The following ST3GAL2 variants were observed in gnomAD, a reference collection of about 807,000 sequenced individuals.
ST3GAL2 encodes CMP-N-acetylneuraminate-beta-galactosamide-alpha-2,3-sialyltransferase 2.
A neutral mutation model predicts 37.5 loss-of-function variants in ST3GAL2; 16 were observed. That is an observed-to-expected ratio of 0.43 (90% CI 0.29 to 0.65). The LOEUF is 0.65. ST3GAL2 is among the 30% of genes least tolerant of loss of function. ST3GAL2 has a pLI of 0.17. For missense variants in ST3GAL2, 383 were observed against 487.8 expected (o/e 0.79, Z 2.02); for synonymous variants, 238 against 202.9 (o/e 1.17, Z -1.47).
chr16:70,438,899 G>A (rs2047847114), intron 1 of ST3GAL2, 50 bp downstream of exon 1: 1 of 151,746 alleles, frequency 6.6e-6, no homozygotes, highest in Non-Finnish European at 1.5e-5. Flanking sequence ...CTGGGCAGCC[G>A]GGGGCCCGGG....
chr16:70,438,794 G>A (rs982992229), intron 1 of ST3GAL2, among the ~76,000 whole-genome samples, 155 bp downstream of exon 1: 5 of 151,928 alleles, frequency 3.3e-5, no homozygotes, highest in African/African-American at 7.2e-5. Context: ...CCGCCCACAC[G>A]AGGGAGCCCG....
At chr16:70,382,591 T>G (rs1386231698) in intron 6 of ST3GAL2, among the ~76,000 whole-genome samples, 1 of 152,198 alleles carries the variant, frequency 6.6e-6, no homozygotes, top group Non-Finnish European at 1.5e-5. Flanking sequence ...GCCAATAACT[T>G]TTTAATGAAG....
chr16:70,408,831 G>A (rs1256119218), intron 1 of ST3GAL2, among the ~76,000 whole-genome samples: 1 of 130,476 alleles, frequency 7.7e-6, no homozygotes, highest in East Asian at 2.4e-4. Context: ...AGTCTTCTCT[G>A]GACAAAGATC....
chr16:70,398,578 C>A lies in ST3GAL2; in HGVS notation c.-48G>T. The A allele has an allele frequency of 6.6e-7, 1 of 1,515,870 alleles. No individual in the cohort carries two copies. The allele number at this position is 1,515,870 out of a possible 1,614,324, so 93.9% of individuals were successfully genotyped here. ...TCACCGTGGCCACTCTTTTCCCAGC[C>A]CGCTGAGGGGCCAGCCACGGCGTAG... On this transcript the variant is annotated 5_prime_UTR_variant, in exon 2 of 7. Transcript: ENST00000342907.
At chr16:70,417,832 T>C (rs2047686378) in intron 1 of ST3GAL2, among the ~76,000 whole-genome samples, 1 of 151,892 alleles carries the variant, frequency 6.6e-6, no homozygotes, top group African/African-American at 2.4e-5. Context: ...GGGGGGAATG[T>C]TAGAAGTTCA....
chr16:70,415,003 A>G (rs1359243261), intron 1 of ST3GAL2, among the ~76,000 whole-genome samples: 1 of 152,104 alleles, frequency 6.6e-6, no homozygotes, highest in Non-Finnish European at 1.5e-5. Flanking sequence ...CCTCCCGAGT[A>G]TCTGGGACTA....
Position 70,379,967 on chromosome 16 carries a change from AAAG to A in ST3GAL2, c.*1719_*1721del, listed in dbSNP as rs1159090960. ...TTCATGATTTAAAGCAAAAGAAAAAAAAGAAATAAATTATTCTGCTCAATACTG... is the reference window on the plus strand; with the variant it reads ...TTCATGATTTAAAGCAAAAGAAAAAAAAATAAATTATTCTGCTCAATACTG... On this transcript the variant is annotated 3_prime_UTR_variant, in exon 7 of 7. Coordinates refer to ENST00000342907, the MANE Select transcript of ST3GAL2 (RefSeq NM_006927.4). 4.6e-5 allele frequency: 7 copies of A among 152,112 alleles called. No homozygotes were observed. The highest frequency in any genetic ancestry group is 5.9e-5 in the Non-Finnish European group (4 of 68,032). 9.4% of individuals were successfully genotyped at this position (152,112 alleles called of 1,614,324 possible).
chr16:70,438,259 T>C (rs904275594), intron 1 of ST3GAL2, among the ~76,000 whole-genome samples: 2 of 151,840 alleles, frequency 1.3e-5, no homozygotes, highest in Non-Finnish European at 2.9e-5. Flanking sequence ...GGTGGGAAGT[T>C]TGGTCCAGTC....
At chr16:70,405,179 T>C (rs1336898597) in intron 1 of ST3GAL2, among the ~76,000 whole-genome samples, 1 of 151,988 alleles carries the variant, frequency 6.6e-6, no homozygotes, top group Non-Finnish European at 1.5e-5. Flanking sequence ...ATTATTCAGA[T>C]ATAAAAAGGA....
In ST3GAL2 at chr16:70,429,783, A is replaced by T. The variant is rs528950541; in HGVS notation, c.-1004+9166T>A. On this transcript the variant is annotated intron_variant, in intron 1 of 6. Coordinates refer to ENST00000342907, the MANE Select transcript of ST3GAL2 (RefSeq NM_006927.4). Reference sequence around the variant, plus strand: ...CAGCCTCCCCAGTAGCTGGGATTACAGGCGCCCTCCACCACACCCGGCTAA... The same window carrying T: ...CAGCCTCCCCAGTAGCTGGGATTACTGGCGCCCTCCACCACACCCGGCTAA... Among the ~76,000 whole-genome samples, 521 of 151,378 alleles carry T rather than the reference A, an allele frequency of 3.4e-3. 6 individuals carry two copies. Among genetic ancestry groups the T allele is most frequent in the African/African-American group, 0.012 (487 of 41,308 alleles).
chr16:70,391,313 C>T (rs141117982), intron 3 of ST3GAL2, among the ~76,000 whole-genome samples: 5 of 152,198 alleles, frequency 3.3e-5, no homozygotes, highest in African/African-American at 9.6e-5. Context: ...TGGCTTCAAG[C>T]AGATGCCCAG....
In ST3GAL2 at chr16:70,404,865, C is replaced by G. The variant is rs550433343; in HGVS notation, c.-1003-5332G>C. Among the ~76,000 whole-genome samples the G allele has an allele frequency of 7.2e-5, 11 of 152,144 alleles. No individual in the cohort carries two copies. The South Asian group carries it at 2.3e-3, about 32-fold the overall frequency. On this transcript the variant is annotated intron_variant, in intron 1 of 6. Transcript: ENST00000342907. ...TGGCCAACTTGGTGAAACCCCATCT[C>G]TGTTAAAAATACAAAAATTAGCTGG...
intron 4 of ST3GAL2, among the ~76,000 whole-genome samples, chr16:70,384,434 C>T (rs575119052): frequency 6.6e-5 from 10 of 152,156 alleles, no homozygotes; most frequent in African/African-American, 2.2e-4. Flanking sequence ...GGGCCGGGTG[C>T]GGTGGCTCAC....
At chr16:70,422,981 A>C (rs1159999746) in intron 1 of ST3GAL2, 1 of 152,258 alleles carries the variant, frequency 6.6e-6, no homozygotes, top group East Asian at 1.9e-4. Context: ...TTCTCTTCCA[A>C]AGGAGGAGAC....
At chr16:70,416,229 G>C (rs994928553) in intron 1 of ST3GAL2, among the ~76,000 whole-genome samples, 7 of 152,148 alleles carry the variant, frequency 4.6e-5, no homozygotes, top group Admixed American at 3.9e-4. Flanking sequence ...ATGAGATGGG[G>C]TGCCCTTATT....
intron 1 of ST3GAL2, chr16:70,422,911 G>A (rs1265879315): frequency 1.3e-5 from 2 of 152,242 alleles, no homozygotes; most frequent in African/African-American, 2.4e-5. Flanking sequence ...AGAGAACTGA[G>A]TCCAAAAGAG....
In ST3GAL2 at chr16:70,380,378, G is replaced by C. The variant is rs984312221; in HGVS notation, c.*1311C>G. 1 of 152,278 alleles carries C rather than the reference G, an allele frequency of 6.6e-6. No individual in the cohort carries two copies. Among genetic ancestry groups the C allele is most frequent in the African/African-American group, 2.4e-5 (1 of 41,460 alleles). The allele number at this position is 152,278 out of a possible 1,614,324, so 9.4% of individuals were successfully genotyped here. ...GGGAGCATCTGCGCCGTCACTGTTG[G>C]GGAGGGGGCTCTATTAGTGGTTTGA... On this transcript the variant is annotated 3_prime_UTR_variant, in exon 7 of 7. Transcript: ENST00000342907.
At chr16:70,385,645 G>T (rs1394523557) in intron 4 of ST3GAL2, among the ~76,000 whole-genome samples, 1 of 151,552 alleles carries the variant, frequency 6.6e-6, no homozygotes, top group African/African-American at 2.4e-5. Flanking sequence ...AGGGATCCGG[G>T]GGTATCTTTA....
At chr16:70,385,833 A>G (rs1054669099) in intron 4 of ST3GAL2, among the ~76,000 whole-genome samples, 5 of 148,442 alleles carry the variant, frequency 3.4e-5, no homozygotes, top group African/African-American at 1.3e-4. Context: ...CTCATCCTTG[A>G]GTGGCTAGGA....
Sources: gnomAD v4.1 joint callset for allele counts (sites outside exome capture counted in the v4.1 genomes callset) on GRCh38, gnomAD v4.1.1 for gene constraint, MANE v1.5 for transcripts, NCBI Gene and HGNC (gene_info 2026-07-23, HGNC 2026-07-21) for gene names.